The following ARB2A variants were observed in gnomAD, a reference collection of about 807,000 sequenced individuals.
ARB2A encodes the protein ARB2 cotranscriptional regulator A, also known as cotranscriptional regulator ARB2A.
the ARB2A span, among the ~76,000 whole-genome samples, chr5:93,697,362 C>T: frequency 6.6e-6 from 1 of 151,970 alleles, no homozygotes; most frequent in Admixed American, 6.6e-5. Context: ...AATTGCTTGC[C>T]TTCTTTAAAT....
the ARB2A span, among the ~76,000 whole-genome samples, chr5:93,655,275 TA>T: frequency 6.6e-6 from 1 of 152,348 alleles, no homozygotes; most frequent in African/African-American, 2.4e-5. Flanking sequence ...TTTCTTTAGT[TA>T]ATATTATCAT....
At chr5:93,828,607 C>G in the ARB2A span, among the ~76,000 whole-genome samples, 2 of 152,264 alleles carry the variant, frequency 1.3e-5, no homozygotes, top group African/African-American at 2.4e-5. Flanking sequence ...TCAACAATCT[C>G]TAGCCTAGCC....
chr5:93,999,142 C>T, the ARB2A span, among the ~76,000 whole-genome samples: 1 of 151,856 alleles, frequency 6.6e-6, no homozygotes, highest in African/African-American at 2.4e-5. Flanking sequence ...AAAATAATCT[C>T]TTTCCACTGA....
the ARB2A span, among the ~76,000 whole-genome samples, chr5:93,666,450 G>GTA: frequency 4.0e-5 from 6 of 150,682 alleles, no homozygotes; most frequent in African/African-American, 1.5e-4. Context: ...GACCCCCTTG[G>GTA]TACTTAGGTC....
At chr5:94,031,255 A>G in the ARB2A span, among the ~76,000 whole-genome samples, 1 of 152,322 alleles carries the variant, frequency 6.6e-6, no homozygotes, top group Non-Finnish European at 1.5e-5. Context: ...GAAAAGAACT[A>G]AGGAATACCT....
At chr5:93,867,925 A>G in the ARB2A span, among the ~76,000 whole-genome samples, 1 of 152,180 alleles carries the variant, frequency 6.6e-6, no homozygotes, top group Non-Finnish European at 1.5e-5. Flanking sequence ...TTAATATTAC[A>G]TAAGGTAGAA....
the ARB2A span, among the ~76,000 whole-genome samples, chr5:93,860,266 C>A: frequency 6.6e-6 from 1 of 152,130 alleles, no homozygotes; most frequent in East Asian, 1.9e-4. Context: ...GCACTCCAGC[C>A]TGGGCAGCAG....
At chr5:94,012,084 C>A in the ARB2A span, among the ~76,000 whole-genome samples, 1 of 152,036 alleles carries the variant, frequency 6.6e-6, no homozygotes, top group African/African-American at 2.4e-5. Flanking sequence ...TTAAATATTG[C>A]TAAGTGGGAA....
chr5:93,956,676 T>A, the ARB2A span, among the ~76,000 whole-genome samples: 5 of 142,974 alleles, frequency 3.5e-5, no homozygotes, highest in East Asian at 2.0e-4. Context: ...TAGCCTAATT[T>A]AAAAAAAAAA....
At chr5:93,967,991 AGAG>A in the ARB2A span, among the ~76,000 whole-genome samples, 1 of 152,182 alleles carries the variant, frequency 6.6e-6, no homozygotes, top group African/African-American at 2.4e-5. Context: ...CAAAGACAAT[AGAG>A]GAGACAAAAA....
the ARB2A span, among the ~76,000 whole-genome samples, chr5:93,658,534 T>C: frequency 6.6e-6 from 1 of 152,106 alleles, no homozygotes; most frequent in Non-Finnish European, 1.5e-5. Context: ...CAGATTATGG[T>C]AGTTAACAAA....
At chr5:93,828,939 G>T in the ARB2A span, among the ~76,000 whole-genome samples, 1 of 152,090 alleles carries the variant, frequency 6.6e-6, no homozygotes, top group Admixed American at 6.6e-5. Context: ...ACCACACCTG[G>T]CTAATTTTTG....
At chr5:94,041,333 G>C in the ARB2A span, among the ~76,000 whole-genome samples, 1 of 152,008 alleles carries the variant, frequency 6.6e-6, no homozygotes, top group Non-Finnish European at 1.5e-5. Flanking sequence ...CCAGCAAACT[G>C]GTCAGTCATG....
the ARB2A span, among the ~76,000 whole-genome samples, chr5:93,874,063 C>A: frequency 1.3e-5 from 2 of 152,150 alleles, no homozygotes; most frequent in Non-Finnish European, 2.9e-5. Flanking sequence ...TGAACTGTAT[C>A]AATTTTTAAT....
the ARB2A span, among the ~76,000 whole-genome samples, chr5:94,064,112 C>T: frequency 2.3e-4 from 35 of 151,928 alleles, no homozygotes; most frequent in Admixed American, 1.5e-3. Context: ...AAAAACAACT[C>T]AGGATATGAA....
the ARB2A span, among the ~76,000 whole-genome samples, chr5:93,887,602 C>T: frequency 0.023 from 3,510 of 151,562 alleles, 79 homozygotes; most frequent in Non-Finnish European, 0.031. Context: ...AGAGATTATC[C>T]CCCCTAATAT....
At chr5:93,893,811 C>G in the ARB2A span, among the ~76,000 whole-genome samples, 4 of 152,106 alleles carry the variant, frequency 2.6e-5, no homozygotes, top group Non-Finnish European at 2.9e-5. Flanking sequence ...AGGAGAAAAT[C>G]TTCTAAACCA....
the ARB2A span, among the ~76,000 whole-genome samples, chr5:93,725,547 T>A: frequency 6.6e-6 from 1 of 152,088 alleles, no homozygotes; most frequent in African/African-American, 2.4e-5. Context: ...AAATAAAACA[T>A]GTTTATCAAT....
the ARB2A span, among the ~76,000 whole-genome samples, chr5:93,623,474 G>A: frequency 2.6e-5 from 4 of 152,056 alleles, no homozygotes; most frequent in Non-Finnish European, 5.9e-5. Flanking sequence ...AGGAGTCAAC[G>A]GTCTGAAGCA....
Sources: gnomAD v4.1 joint callset for allele counts (sites outside exome capture counted in the v4.1 genomes callset) on GRCh38, gnomAD v4.1.1 for gene constraint, MANE v1.5 for transcripts, NCBI Gene and HGNC (gene_info 2026-07-23, HGNC 2026-07-21) for gene names.